The following BNIP3 variants were observed in gnomAD, a reference collection of about 807,000 sequenced individuals.
BNIP3 encodes the protein BCL2 interacting protein 3, also known as BCL2/adenovirus E1B 19 kDa protein-interacting protein 3.
A neutral mutation model predicts 23.9 loss-of-function variants in BNIP3; 16 were observed. The observed-to-expected ratio is 0.67, with a 90% CI of 0.45 to 1.01. BNIP3 has a LOEUF of 1.01. Ranked by LOEUF, BNIP3 falls within the 50% of genes least tolerant of loss-of-function variation. The pLI, the probability that BNIP3 is intolerant of heterozygous loss-of-function variation, is 0.00. For synonymous variants in BNIP3, 81 were observed against 89.3 expected, an observed-to-expected ratio of 0.91 and a Z score of 0.53; for missense variants, 198 against 248.7, an observed-to-expected ratio of 0.80 and a Z score of 1.37.
intron 3 of BNIP3, among the ~76,000 whole-genome samples, chr10:131,972,502 G>C (rs536069649): frequency 3.3e-5 from 5 of 152,324 alleles, no homozygotes; most frequent in East Asian, 1.9e-4. Context: ...AAAGGCACAG[G>C]GTGTAATTTC....
chr10:131,980,849 CA>C (rs1419606913), intron 1 of BNIP3: 1 of 152,204 alleles, frequency 6.6e-6, no homozygotes. Flanking sequence ...ACACAAAGGT[CA>C]GCTGCCACCA....
At chr10:131,974,938 A>T (rs2037068169) in intron 1 of BNIP3, among the ~76,000 whole-genome samples, 1 of 152,198 alleles carries the variant, frequency 6.6e-6, no homozygotes, top group South Asian at 2.1e-4. Context: ...ATTCTGGGAT[A>T]ATTCTGTATT....
At chr10:131,978,086 G>A (rs1162233825) in intron 1 of BNIP3, among the ~76,000 whole-genome samples, 1 of 152,038 alleles carries the variant, frequency 6.6e-6, no homozygotes, top group Non-Finnish European at 1.5e-5. Context: ...AGTATAATTA[G>A]GCCCCAGACG....
At position 131,981,830 on chromosome 10, in the gene BNIP3, A is replaced by AG; in HGVS notation, c.-25_-24insC. 1 of 1,444,934 alleles carries AG rather than the reference A, an allele frequency of 6.9e-7. No individual in the cohort carries two copies. Among genetic ancestry groups the AG allele is most frequent in the Non-Finnish European group, 9.0e-7 (1 of 1,105,304 alleles). The allele number at this position is 1,444,934 out of a possible 1,614,324, so 89.5% of individuals were successfully genotyped here. A position where few individuals can be genotyped will look rare whatever the true frequency, so the allele number is the denominator to read the frequency against. On this transcript the variant is annotated 5_prime_UTR_variant, in exon 1 of 6. Coordinates refer to ENST00000368636, the MANE Select transcript of BNIP3 (RefSeq NM_004052.4). The stretch of plus-strand genomic sequence containing the variant: ...ATGGCGCCAGAGGGCAACTGCGGCG[A>AG]TCGGAGTCCGCGCCGGGCTGCGGGA...
chr10:131,981,456 C>T, intron 1 of BNIP3: 1 of 407,370 alleles, frequency 2.5e-6, no homozygotes, highest in Non-Finnish European at 4.4e-6. Context: ...GATTCACCTC[C>T]AGGTGGAATT....
chr10:131,981,844 C>T lies in BNIP3; in HGVS notation c.-38G>A. On this transcript the variant is annotated 5_prime_UTR_variant, in exon 1 of 6. Transcript: ENST00000368636. ...CAACTGCGGCGATCGGAGTCCGCGC[C>T]GGGCTGCGGGATGTGCTTCAGCTGC... 1 of 1,419,770 alleles carries T rather than the reference C, an allele frequency of 7.0e-7. No homozygotes were observed. 87.9% of individuals were successfully genotyped at this position (1,419,770 alleles called of 1,614,324 possible).
At chr10:131,973,340 G>A (rs921983773) in intron 2 of BNIP3, 43 of 533,614 alleles carry the variant, frequency 8.1e-5, no homozygotes, top group South Asian at 6.8e-4. Context: ...CAGAGAAGAC[G>A]CAGGGGCAAC....
intron 3 of BNIP3, among the ~76,000 whole-genome samples, chr10:131,971,998 G>A (rs907179255): frequency 3.3e-5 from 5 of 150,594 alleles, no homozygotes; most frequent in Non-Finnish European, 5.9e-5. Flanking sequence ...AACACAGTCC[G>A]TCGTCAAAGT....
rs898592308 is a variant in BNIP3 at position 131,970,389 on chromosome 10, A to C, written c.539+249T>G. The C allele has an allele frequency of 4.9e-5, 28 of 566,944 alleles. No homozygotes were observed. In the Admixed American group the frequency reaches 9.0e-4, roughly 18 times the overall value. 35.1% of individuals were successfully genotyped at this position (566,944 alleles called of 1,614,324 possible). ...AAGAAGCCCTGCTTTGACTCCGTTTATATTCAGTGAGCAACAGGCAGACTC... is the reference window on the plus strand; with the variant it reads ...AAGAAGCCCTGCTTTGACTCCGTTTCTATTCAGTGAGCAACAGGCAGACTC... On this transcript the variant is annotated intron_variant, in intron 5 of 5. Transcript: ENST00000368636. This position sits in a 1 kb window ranked among gnomAD's most constrained non-coding sequence, Gnocchi z 4.1.
At position 131,981,888 on chromosome 10, in the gene BNIP3, G is replaced by A. The variant is rs1422754600; in HGVS notation, c.-82C>T. On this transcript the variant is annotated 5_prime_UTR_variant, in exon 1 of 6. Transcript: ENST00000368636. The stretch of plus-strand genomic sequence containing the variant: ...CAGCTGCGGGCGGTGGGAAAGCGGA[G>A]GTCGGAGCGCCGCGGCCCAGCTGCG... 6.6e-6 allele frequency: 9 copies of A among 1,358,320 alleles called. No individual in the cohort carries two copies. The highest frequency in any genetic ancestry group is 6.2e-5 in the East Asian group (2 of 32,226). The allele number at this position is 1,358,320 out of a possible 1,614,324, so 84.1% of individuals were successfully genotyped here.
chr10:131,973,110 C>T lies in BNIP3; in HGVS notation c.206G>A (p.Arg69His), dbSNP rs746423542. 3.2e-5 allele frequency: 52 copies of T among 1,613,416 alleles called. No homozygotes were observed. The highest frequency in any genetic ancestry group is 1.4e-4 in the South Asian group (13 of 91,076). ...SKSSHCDSPPRSQTPQDTNRA... is the reference protein window; with the variant it reads ...SKSSHCDSPPHSQTPQDTNRA... ...GTTGGTATCTTGTGGTGTCTGCGAG[C>T]GAGGTGGGCTTGGCGATGTGAATAG... The change falls in exon 3 of 6, where the codon CGC (arginine) becomes CAC (histidine). Residue 69 changes from arginine (R) to histidine (H), a missense_variant. Physicochemically the swap from Arg to His is conservative, Grantham distance 29. Transcript: ENST00000368636.
At chr10:131,971,041 C>T in intron 3 of BNIP3, 71 bp from the exon 4 acceptor site, 4 of 1,396,558 alleles carry the variant, frequency 2.9e-6, no homozygotes, top group Non-Finnish European at 1.0e-6. Context: ...CAGCTCCCAC[C>T]CGAGCTTCAG....
At position 131,981,905 on chromosome 10, in the gene BNIP3, C is replaced by T; in HGVS notation, c.-99G>A. On this transcript the variant is annotated 5_prime_UTR_variant, in exon 1 of 6. Transcript: ENST00000368636. Reference sequence around the variant, plus strand: ...AAAGCGGAGGTCGGAGCGCCGCGGCCCAGCTGCGCTCCCGGACTGAGCGGA... The same window carrying T: ...AAAGCGGAGGTCGGAGCGCCGCGGCTCAGCTGCGCTCCCGGACTGAGCGGA... 1.5e-6 allele frequency: 2 copies of T among 1,315,884 alleles called. No homozygotes were observed. The highest frequency in any genetic ancestry group is 2.0e-6 in the Non-Finnish European group (2 of 1,022,252). The allele number at this position is 1,315,884 out of a possible 1,614,324, so 81.5% of individuals were successfully genotyped here.
intron 5 of BNIP3, 66 bp from the exon 6 acceptor site, chr10:131,968,635 A>G (rs1391459233): frequency 7.0e-7 from 1 of 1,427,332 alleles, no homozygotes; most frequent in East Asian, 2.3e-5. Flanking sequence ...TTACAGCTGA[A>G]ACAGGGTAGC....
intron 1 of BNIP3, among the ~76,000 whole-genome samples, chr10:131,979,967 A>T (rs1257104342): frequency 1.3e-5 from 2 of 152,194 alleles, no homozygotes; most frequent in East Asian, 3.8e-4. Context: ...AGGCAGCTGG[A>T]GCCCGCGGGA....
At chr10:131,973,417 C>T in intron 2 of BNIP3, 1 of 469,854 alleles carries the variant, frequency 2.1e-6, no homozygotes, top group Non-Finnish European at 3.9e-6. Context: ...CTCTCAAGGG[C>T]ACGCGACCTT....
At chr10:131,971,148 G>A (rs570749482) in intron 3 of BNIP3, 178 bp from the exon 4 acceptor site, 298 of 619,276 alleles carry the variant, frequency 4.8e-4, no homozygotes, top group Admixed American at 1.1e-3. Context: ...CCCGGGCCGC[G>A]CCGCACTCCC....
chr10:131,973,746 T>C (rs758416356), intron 2 of BNIP3, 47 bp downstream of exon 2: 9 of 1,601,172 alleles, frequency 5.6e-6, no homozygotes, highest in Non-Finnish European at 7.7e-6. Flanking sequence ...TGTCACCCAC[T>C]GAAGACATCG....
intron 1 of BNIP3, among the ~76,000 whole-genome samples, chr10:131,980,085 T>C (rs1011475063): frequency 2.0e-5 from 3 of 152,222 alleles, no homozygotes; most frequent in Non-Finnish European, 4.4e-5. Context: ...CGGGTAACTA[T>C]CTTTTTATAG....
Sources: allele counts gnomAD v4.1 joint callset (sites outside exome capture counted in the v4.1 genomes callset), GRCh38; gene constraint gnomAD v4.1.1; non-coding constraint Gnocchi (gnomAD v3.1); transcripts MANE v1.5; gene names NCBI Gene and HGNC (gene_info 2026-07-23, HGNC 2026-07-21).